CMTM4: variants seen among roughly 807,000 people sequenced by gnomAD.
CMTM4 encodes the protein CKLF-like MARVEL transmembrane domain-containing protein 4.
In CMTM4, 8 loss-of-function variants were observed where a neutral mutation model predicts 19.0. The ratio of observed to expected loss-of-function variants is 0.42; its 90% CI spans 0.25 to 0.76. The LOEUF (loss-of-function observed/expected upper bound fraction) is 0.76, where lower values mean the gene tolerates loss of function less well. Among genes scored for constraint, CMTM4 ranks in the 30% least tolerant of loss-of-function variants. CMTM4 has a pLI of 0.27. For missense variants in CMTM4, 228 were observed against 290.2 expected (o/e 0.79, Z 1.56); for synonymous variants, 106 against 121.1 (o/e 0.88, Z 0.82).
At chr16:66,665,217 G>A (rs962286174) in intron 1 of CMTM4, among the ~76,000 whole-genome samples, 16 of 130,484 alleles carry the variant, frequency 1.2e-4, no homozygotes, top group African/African-American at 4.4e-4. Context: ...CAAAGTGCTA[G>A]GATTACAGGC....
intron 1 of CMTM4, among the ~76,000 whole-genome samples, chr16:66,683,202 T>TAC (rs1175502506): frequency 7.3e-6 from 1 of 137,178 alleles, no homozygotes; most frequent in African/African-American, 2.7e-5. Context: ...TACATATATA[T>TAC]ATATATATAA....
chr16:66,609,940 G>C, downstream of CMTM4: 1 of 1,614,068 alleles, frequency 6.2e-7, no homozygotes, highest in South Asian at 1.1e-5. This position sits in a 1 kb window ranked among gnomAD's most constrained non-coding sequence, Gnocchi z 4.4. Flanking sequence ...GATCTTTAAC[G>C]ACGTGGCCAA....
chr16:66,608,371 G>C, the CMTM4 span: 10 of 1,614,132 alleles, frequency 6.2e-6, no homozygotes, highest in Non-Finnish European at 8.5e-6. This position sits in a 1 kb window ranked among gnomAD's most constrained non-coding sequence, Gnocchi z 5.1. Flanking sequence ...TCCTCACAGC[G>C]CCTCTGCTGG....
chr16:66,653,815 C>G (rs2016353020), intron 1 of CMTM4, among the ~76,000 whole-genome samples: 2 of 152,142 alleles, frequency 1.3e-5, no homozygotes, highest in Admixed American at 6.5e-5. Context: ...CTCACTGCAA[C>G]CTCTGCCTAC....
chr16:66,620,740 T>G lies in CMTM4; in HGVS notation c.*1318A>C, dbSNP rs909383791. The G allele has an allele frequency of 1.0e-6, 1 of 985,696 alleles. No individual in the cohort carries two copies. Among genetic ancestry groups the G allele is most frequent in the Non-Finnish European group, 1.2e-6 (1 of 829,932 alleles). 61.1% of individuals were successfully genotyped at this position (985,696 alleles called of 1,614,324 possible). A position where few individuals can be genotyped will look rare whatever the true frequency, so the allele number is the denominator to read the frequency against. ...TAAACACAAAATGTTAGAGCTAAAGTGAGGTTTGTAAACATTAAAAACAGT... is the reference window on the plus strand; with the variant it reads ...TAAACACAAAATGTTAGAGCTAAAGGGAGGTTTGTAAACATTAAAAACAGT... On this transcript the variant is annotated 3_prime_UTR_variant, in exon 4 of 4. Coordinates refer to ENST00000394106, the MANE Select transcript of CMTM4 (RefSeq NM_181521.3).
chr16:66,687,995 T>C (rs760590830), intron 1 of CMTM4, among the ~76,000 whole-genome samples: 1 of 152,088 alleles, frequency 6.6e-6, no homozygotes, highest in Non-Finnish European at 1.5e-5. Context: ...CCAAAATGGG[T>C]AATTTATAAA....
chr16:66,622,240 C>A lies in CMTM4; in HGVS notation c.463-18G>T. 1 of 1,612,440 alleles carries A rather than the reference C, an allele frequency of 6.2e-7. No homozygotes were observed. Among genetic ancestry groups the A allele is most frequent in the Non-Finnish European group, 8.5e-7 (1 of 1,179,342 alleles). ...CCAAATATCTAAAAACACACCAGCA[C>A]AGTTAGTCCTCGGGCACGTGGCCTG... On this transcript the variant is annotated intron_variant, in intron 3 of 3. Transcript: ENST00000394106. This position sits in a 1 kb window ranked among gnomAD's most constrained non-coding sequence, Gnocchi z 4.0.
chr16:66,618,757 T>C lies in CMTM4; in HGVS notation c.*3301A>G, dbSNP rs1369286087. 7 of 985,370 alleles carry C rather than the reference T, an allele frequency of 7.1e-6. No homozygotes were observed. Among genetic ancestry groups the C allele is most frequent in the Non-Finnish European group, 8.4e-6 (7 of 829,964 alleles). The allele number at this position is 985,370 out of a possible 1,614,324, so 61.0% of individuals were successfully genotyped here. A position where few individuals can be genotyped will look rare whatever the true frequency, so the allele number is the denominator to read the frequency against. On this transcript the variant is annotated 3_prime_UTR_variant, in exon 4 of 4. Coordinates refer to ENST00000394106, the MANE Select transcript of CMTM4 (RefSeq NM_181521.3). ...AAACTTGAAGAGAGTCAGAATGTTT[T>C]CAACTGAGTCACGAAGCTGTCCCAG... is the stretch of plus-strand genomic sequence containing the variant.
At chr16:66,655,132 C>T (rs2016375039) in intron 1 of CMTM4, among the ~76,000 whole-genome samples, 1 of 152,246 alleles carries the variant, frequency 6.6e-6, no homozygotes, top group African/African-American at 2.4e-5. Flanking sequence ...CACAGGCACA[C>T]ACCACCATAC....
At chr16:66,602,720 T>C in the CMTM4 span, among the ~76,000 whole-genome samples, 8 of 152,114 alleles carry the variant, frequency 5.3e-5, no homozygotes, top group Admixed American at 5.2e-4. Context: ...CTAATTTTTG[T>C]ATTTTTAGTG....
intron 1 of CMTM4, among the ~76,000 whole-genome samples, chr16:66,690,663 C>T (rs371291490): frequency 6.6e-6 from 1 of 152,118 alleles, no homozygotes; most frequent in East Asian, 1.9e-4. Context: ...TTTTGAGTTA[C>T]GTAAGAAAGC....
At chr16:66,630,167 A>C (rs2015821177) in intron 2 of CMTM4, among the ~76,000 whole-genome samples, 1 of 151,778 alleles carries the variant, frequency 6.6e-6, no homozygotes, top group Non-Finnish European at 1.5e-5. Context: ...GCTAACTCCG[A>C]GAGTTAGTGT....
chr16:66,612,441 G>C (rs527724920), downstream of CMTM4, among the ~76,000 whole-genome samples: 1 of 151,994 alleles, frequency 6.6e-6, no homozygotes, highest in Non-Finnish European at 1.5e-5. The surrounding 1 kb of genome is among the most constrained non-coding windows in gnomAD (Gnocchi z 6.0). Context: ...GAGGGCCTCA[G>C]GCCCGCGGCC....
intron 1 of CMTM4, among the ~76,000 whole-genome samples, chr16:66,683,192 T>TATAA (rs776856136): frequency 2.1e-5 from 1 of 48,546 alleles, no homozygotes; most frequent in Non-Finnish European, 5.4e-5. Flanking sequence ...TATATATATA[T>TATAA]ACATATATAT....
chr16:66,668,942 C>G (rs911709586), intron 1 of CMTM4, among the ~76,000 whole-genome samples: 1 of 152,158 alleles, frequency 6.6e-6, no homozygotes, highest in African/African-American at 2.4e-5. Context: ...GTTTCCTGTA[C>G]AGTGAAACAC....
chr16:66,613,883 T>C (rs2015476374), downstream of CMTM4: 1 of 149,980 alleles, frequency 6.7e-6, no homozygotes, highest in African/African-American at 2.4e-5. Flanking sequence ...GAAATCTGAC[T>C]ACCATTTAAT....
chr16:66,649,459 C>CTATCCATCTATCTATCT (rs1555500121), intron 1 of CMTM4, among the ~76,000 whole-genome samples: 2 of 149,386 alleles, frequency 1.3e-5, no homozygotes, highest in Admixed American at 6.7e-5. Flanking sequence ...TCTATCTATC[C>CTATCCATCTATCTATCT]ATCTATCTAT....
chr16:66,655,481 G>A (rs969937608), intron 1 of CMTM4, among the ~76,000 whole-genome samples: 3 of 151,868 alleles, frequency 2.0e-5, no homozygotes, highest in Non-Finnish European at 4.4e-5. Flanking sequence ...AAGGAACAGG[G>A]ATTTCTTGGT....
Position 66,696,372 on chromosome 16 carries a change from C to G in CMTM4, c.154G>C (p.Gly52Arg). The G allele has an allele frequency of 7.0e-7, 1 of 1,425,454 alleles. No individual in the cohort carries two copies. The highest frequency in any genetic ancestry group is 9.2e-7 in the Non-Finnish European group (1 of 1,091,598). The allele number at this position is 1,425,454 out of a possible 1,614,324, so 88.3% of individuals were successfully genotyped here. Residue 52 changes from glycine to arginine, a missense_variant, in exon 1 of 4, where the codon GGC (glycine) becomes CGC (arginine). Physicochemically the swap from Gly to Arg is moderately radical, Grantham distance 125. Coordinates refer to ENST00000394106, the MANE Select transcript of CMTM4 (RefSeq NM_181521.3). The surrounding 1 kb of genome is among the most constrained non-coding windows in gnomAD (Gnocchi z 4.3). ...GCGACCTTGAGGCGGCCGAGCGCGC[C>G]GCGCAGGTAGTCGGGGTCGCAGCGC... ...GLRCDPDYLRGALGRLKVAQV... is the reference protein window; with the variant it reads ...GLRCDPDYLRRALGRLKVAQV...
Sources: allele counts gnomAD v4.1 joint callset (sites outside exome capture counted in the v4.1 genomes callset), GRCh38; gene constraint gnomAD v4.1.1; non-coding constraint Gnocchi (gnomAD v3.1); transcripts MANE v1.5; gene names NCBI Gene and HGNC (gene_info 2026-07-23, HGNC 2026-07-21).